Variants in WDR97 observed in about 807,000 individuals in gnomAD.
WDR97 encodes WD repeat domain 97.
A neutral mutation model predicts 65.4 loss-of-function variants in WDR97; 111 were observed. That is an observed-to-expected ratio of 1.70 (90% CI 1.45 to 1.99). The LOEUF (loss-of-function observed/expected upper bound fraction) is 1.99. Among genes scored for constraint, WDR97 ranks in the 30% most tolerant of loss-of-function variants. WDR97 has a pLI of 0.00. For synonymous variants in WDR97, 802 were observed against 397.7 expected (o/e 2.02, Z -12.10); for missense variants, 1,674 against 865.0 (o/e 1.94, Z -11.73).
At chr8:144,114,514 C>CA in intron 19 of WDR97, 39 bp downstream of exon 19, 2 of 702,432 alleles carry the variant, frequency 2.8e-6, no homozygotes, top group Non-Finnish European at 5.2e-6. Context: ...CCTCCCCGCC[C>CA]ACCGGCCCTC....
At chr8:144,113,283 G>A (rs1836583928) in intron 15 of WDR97, 157 bp from the exon 16 acceptor site, 3 of 640,038 alleles carry the variant, frequency 4.7e-6, no homozygotes, top group Non-Finnish European at 5.6e-6. Context: ...CATCTGTGTT[G>A]AGAGTAGGGG....
At position 144,110,668 on chromosome 8, in the gene WDR97, G is replaced by A. The variant is rs1196911530; in HGVS notation, c.2100G>A (p.Thr700=). The change falls in exon 8 of 24, where the codon ACG becomes ACA. Residue 700 remains threonine (T), a synonymous_variant. Coordinates refer to ENST00000323662, the MANE Select transcript of WDR97 (RefSeq NM_001316309.2). ...DHITGLCCCP[T]LKLYACSSLD... ...CGCCAGGCCTGTGCTGCTGCCCCAC[G>A]CTCAAACTGTATGCCTGCTCCAGCC... 1 of 702,854 alleles carries A rather than the reference G, an allele frequency of 1.4e-6. No individual in the cohort carries two copies. Among genetic ancestry groups the A allele is most frequent in the South Asian group, 1.5e-5 (1 of 67,608 alleles). 43.5% of individuals were successfully genotyped at this position (702,854 alleles called of 1,614,324 possible).
intron 9 of WDR97, 47 bp downstream of exon 9, chr8:144,111,043 C>G: frequency 1.4e-6 from 1 of 702,474 alleles, no homozygotes; most frequent in South Asian, 1.5e-5. Flanking sequence ...CCTTGCTCAC[C>G]TTGGGGGGCA....
In WDR97 at chr8:144,109,598, C is replaced by A. The variant is rs1220710356; in HGVS notation, c.1264C>A (p.Pro422Thr). 6.7e-5 allele frequency: 46 copies of A among 689,710 alleles called. No individual in the cohort carries two copies. The highest frequency in any genetic ancestry group is 1.0e-4 in the Non-Finnish European group (38 of 379,560). 42.7% of individuals were successfully genotyped at this position (689,710 alleles called of 1,614,324 possible). ...RELYSPLAQLPAKVLHVQVAP... is the reference protein window; with the variant it reads ...RELYSPLAQLTAKVLHVQVAP... The stretch of plus-strand genomic sequence containing the variant: ...GCTCTACTCGCCGTTGGCGCAACTG[C>A]CCGCCAAGGTGCTCCACGTGCAGGT... Residue 422 changes from proline (P) to threonine (T), a missense_variant, in exon 5 of 24, where the codon CCC (proline) becomes ACC (threonine). Transcript: ENST00000323662.
chr8:144,114,657 A>G lies in WDR97; in HGVS notation c.3896A>G (p.Tyr1299Cys). 1 of 701,338 alleles carries G rather than the reference A, an allele frequency of 1.4e-6. No homozygotes were observed. Among genetic ancestry groups the G allele is most frequent in the Non-Finnish European group, 2.6e-6 (1 of 384,582 alleles). The allele number at this position is 701,338 out of a possible 1,614,324, so 43.4% of individuals were successfully genotyped here. ...CTGGAGCTCATGTCCTACTTCCTCT[A>G]CTCTCCCGTGCACTGCCGGTGAGTT... ...VVLELMSYFLYSPVHCRPELK... is the reference protein window; with the variant it reads ...VVLELMSYFLCSPVHCRPELK... Residue 1299 changes from tyrosine to cysteine, a missense_variant, in exon 20 of 24, where the codon TAC becomes TGC. Physicochemically the swap from Tyr to Cys is radical, Grantham distance 194 (BLOSUM62 -2). Transcript: ENST00000323662.
At position 144,114,778 on chromosome 8, in the gene WDR97, T is replaced by C; in HGVS notation, c.3944T>C (p.Leu1315Pro). Residue 1315 changes from leucine to proline, a missense_variant, in exon 21 of 24, where the codon CTG (leucine) becomes CCG (proline). Leu to Pro is a moderately conservative substitution (Grantham distance 98, BLOSUM62 -3). Transcript: ENST00000323662. ...GAGCTCAAGAAGCTGCTGCACGGGC[T>C]GGGCCTTCAGGACCCAGAGGGCTTC... is the stretch of plus-strand genomic sequence containing the variant. Reference protein sequence around the residue: ...RPELKKLLHGLGLQDPEGFLF... With the variant: ...RPELKKLLHGPGLQDPEGFLF... 1.4e-6 allele frequency: 1 copy of C among 702,254 alleles called. No homozygotes were observed. The highest frequency in any genetic ancestry group is 2.6e-6 in the Non-Finnish European group (1 of 384,718). The allele number at this position is 702,254 out of a possible 1,614,324, so 43.5% of individuals were successfully genotyped here. A position where few individuals can be genotyped will look rare whatever the true frequency, so the allele number is the denominator to read the frequency against.
Position 144,114,157 on chromosome 8 carries a change from C to T in WDR97, c.3589C>T (p.Leu1197=). 1.4e-6 allele frequency: 1 copy of T among 702,606 alleles called. No individual in the cohort carries two copies. Among genetic ancestry groups the T allele is most frequent in the South Asian group, 1.5e-5 (1 of 67,562 alleles). The allele number at this position is 702,606 out of a possible 1,614,324, so 43.5% of individuals were successfully genotyped here. ...CAAAAAGTTGTTCCCCATCTTCAGC[C>T]TGCAGGTTGGAGGGAACTGGGGATG... ...WFKKLFPIFS[L]QAYPEAGTIE... The change falls in exon 18 of 24, where the codon CTG becomes TTG. Residue 1197 remains leucine, a synonymous_variant. Transcript: ENST00000323662.
chr8:144,110,460 G>C lies in WDR97; in HGVS notation c.1963G>C (p.Val655Leu), dbSNP rs746037909. ...GGCGCTCTGTGCGCTAGGCAGACGC[G>C]TCACCGCGGGCTTTGAGGACCCAGA... is the stretch of plus-strand genomic sequence containing the variant. ...AVALCALGRR[V>L]TAGFEDPDSA... The change falls in exon 7 of 24, where the codon GTC (valine) becomes CTC (leucine). Residue 655 changes from valine (V) to leucine (L), a missense_variant. Transcript: ENST00000323662. 5 of 703,010 alleles carry C rather than the reference G, an allele frequency of 7.1e-6. No homozygotes were observed. The highest frequency in any genetic ancestry group is 1.3e-5 in the Non-Finnish European group (5 of 384,978). 43.5% of individuals were successfully genotyped at this position (703,010 alleles called of 1,614,324 possible). A position where few individuals can be genotyped will look rare whatever the true frequency, so the allele number is the denominator to read the frequency against.
intron 22 of WDR97, 29 bp downstream of exon 22, chr8:144,115,887 G>C (rs754611435): frequency 4.3e-6 from 3 of 698,600 alleles, no homozygotes; most frequent in Non-Finnish European, 5.2e-6. Flanking sequence ...GGCGGGGCCT[G>C]CGTGGGGCAG....
chr8:144,114,174 C>T lies in WDR97; in HGVS notation c.3594+12C>T, dbSNP rs998345643. On this transcript the variant is annotated intron_variant, in intron 18 of 23. Coordinates refer to ENST00000323662, the MANE Select transcript of WDR97 (RefSeq NM_001316309.2). The stretch of plus-strand genomic sequence containing the variant: ...TCTTCAGCCTGCAGGTTGGAGGGAA[C>T]TGGGGATGCATGAGAAGCATGGGTT... The T allele has an allele frequency of 2.9e-6, 2 of 701,544 alleles. No homozygotes were observed. Among genetic ancestry groups the T allele is most frequent in the Non-Finnish European group, 5.2e-6 (2 of 384,116 alleles). 43.5% of individuals were successfully genotyped at this position (701,544 alleles called of 1,614,324 possible).
chr8:144,109,365 A>G lies in WDR97; in HGVS notation c.1031A>G (p.Asn344Ser), dbSNP rs1246506348. Reference protein sequence around the residue: ...GPVTAMTVLPNTTLVLSASQD... With the variant: ...GPVTAMTVLPSTTLVLSASQD... ...GTGACGGCTATGACTGTGCTCCCGA[A>G]CACGACCCTGGTGTTGTCGGCCTCG... is the stretch of plus-strand genomic sequence containing the variant. The change falls in exon 5 of 24, where the codon AAC (asparagine) becomes AGC (serine). Residue 344 changes from asparagine to serine, a missense_variant. By Grantham distance (46) the Asn-to-Ser change is conservative (BLOSUM62 1). Coordinates refer to ENST00000323662, the MANE Select transcript of WDR97 (RefSeq NM_001316309.2). 4.3e-6 allele frequency: 3 copies of G among 702,446 alleles called. No homozygotes were observed. In the Admixed American group the frequency reaches 6.0e-5, roughly 14 times the overall value. 43.5% of individuals were successfully genotyped at this position (702,446 alleles called of 1,614,324 possible). A position where few individuals can be genotyped will look rare whatever the true frequency, so the allele number is the denominator to read the frequency against.
At position 144,107,852 on chromosome 8, in the gene WDR97, C is replaced by G; in HGVS notation, c.102C>G (p.Thr34=). The change falls in exon 1 of 24, where the codon ACC becomes ACG. Residue 34 remains threonine (T), a synonymous_variant. Transcript: ENST00000323662. ...GYDVPDPGLL[T]EKNELTFTEP... ...ATGTCCCAGACCCTGGGCTGCTCACCGAAAAGAATGGTGAGGGGGCCTGGC... is the reference window on the plus strand; with the variant it reads ...ATGTCCCAGACCCTGGGCTGCTCACGGAAAAGAATGGTGAGGGGGCCTGGC... 2.8e-6 allele frequency: 2 copies of G among 702,834 alleles called. No individual in the cohort carries two copies. Among genetic ancestry groups the G allele is most frequent in the Admixed American group, 4.0e-5 (2 of 50,022 alleles). The allele number at this position is 702,834 out of a possible 1,614,324, so 43.5% of individuals were successfully genotyped here.
At position 144,116,275 on chromosome 8, in the gene WDR97, C is replaced by T. The variant is rs910460898; in HGVS notation, c.4851C>T (p.Asp1617=). The T allele has an allele frequency of 1.1e-5, 7 of 650,464 alleles. No individual in the cohort carries two copies. The highest frequency in any genetic ancestry group is 1.7e-5 in the Non-Finnish European group (6 of 358,264). The allele number at this position is 650,464 out of a possible 1,614,324, so 40.3% of individuals were successfully genotyped here. ...LQRYFLPADA[D]PDTYS is the part of the protein sequence containing the mutation. ...GCTACTTTCTGCCAGCGGACGCGGA[C>T]CCTGACACCTACAGCTGACCGGACT... is the stretch of plus-strand genomic sequence containing the variant. Residue 1617 remains aspartate (D), a synonymous_variant, in exon 24 of 24, where the codon GAC becomes GAT. Coordinates refer to ENST00000323662, the MANE Select transcript of WDR97 (RefSeq NM_001316309.2).
intron 17 of WDR97, 27 bp downstream of exon 17, chr8:144,113,908 C>T (rs1269852429): frequency 2.9e-6 from 2 of 686,236 alleles, no homozygotes; most frequent in Admixed American, 4.1e-5. Flanking sequence ...AGGCCCCAGG[C>T]CACCACGGGA....
chr8:144,116,029 G>A lies in WDR97; in HGVS notation c.4666+16G>A. The A allele has an allele frequency of 1.4e-6, 1 of 699,700 alleles. No homozygotes were observed. The highest frequency in any genetic ancestry group is 2.6e-6 in the Non-Finnish European group (1 of 384,300). The allele number at this position is 699,700 out of a possible 1,614,324, so 43.3% of individuals were successfully genotyped here. A position where few individuals can be genotyped will look rare whatever the true frequency, so the allele number is the denominator to read the frequency against. Reference sequence around the variant, plus strand: ...AGACTGAGGGGTGAGTGGAGCCAGGGGTGGAGACTGGACCCCACCCACCCC... The same window carrying A: ...AGACTGAGGGGTGAGTGGAGCCAGGAGTGGAGACTGGACCCCACCCACCCC... On this transcript the variant is annotated intron_variant, in intron 23 of 23. Coordinates refer to ENST00000323662, the MANE Select transcript of WDR97 (RefSeq NM_001316309.2).
intron 15 of WDR97, chr8:144,112,753 C>T: frequency 3.5e-6 from 2 of 579,148 alleles, no homozygotes; most frequent in Non-Finnish European, 6.2e-6. Context: ...TGGCCACAGG[C>T]TCCTTGCTGC....
At chr8:144,114,507 C>T (rs1233393701) in intron 19 of WDR97, 32 bp downstream of exon 19, 3 of 702,096 alleles carry the variant, frequency 4.3e-6, no homozygotes, top group East Asian at 2.7e-5. Context: ...CAGTTTTCCT[C>T]CCCGCCCACC....
At position 144,108,590 on chromosome 8, in the gene WDR97, C is replaced by G; in HGVS notation, c.524C>G (p.Ala175Gly). The G allele has an allele frequency of 2.9e-6, 2 of 700,808 alleles. No homozygotes were observed. The highest frequency in any genetic ancestry group is 5.2e-6 in the Non-Finnish European group (2 of 384,504). The allele number at this position is 700,808 out of a possible 1,614,324, so 43.4% of individuals were successfully genotyped here. Reference protein sequence around the residue: ...RFVGWGPAGLAILRPNLSLLW... With the variant: ...RFVGWGPAGLGILRPNLSLLW... Reference sequence around the variant, plus strand: ...GTAGGCTGGGGCCCCGCGGGGCTGGCAATTCTGAGGCCCAACCTCAGCCTG... The same window carrying G: ...GTAGGCTGGGGCCCCGCGGGGCTGGGAATTCTGAGGCCCAACCTCAGCCTG... The change falls in exon 3 of 24, where the codon GCA (alanine) becomes GGA (glycine). Residue 175 changes from alanine (A) to glycine (G), a missense_variant. Transcript: ENST00000323662.
In WDR97 at chr8:144,108,895, G is replaced by T. The variant is rs541100362; in HGVS notation, c.829G>T (p.Asp277Tyr). Reference sequence around the variant, plus strand: ...CTATGGCTCGGCCGTGCTCACCTTCGATCTGCATGCCTGGACTCTCGTAGA... The same window carrying T: ...CTATGGCTCGGCCGTGCTCACCTTCTATCTGCATGCCTGGACTCTCGTAGA... Reference protein sequence around the residue: ...AAYGSAVLTFDLHAWTLVDVR... With the variant: ...AAYGSAVLTFYLHAWTLVDVR... Residue 277 changes from aspartate to tyrosine, a missense_variant, in exon 3 of 24, where the codon GAT (aspartate) becomes TAT (tyrosine). Asp to Tyr is a radical substitution (Grantham distance 160). Coordinates refer to ENST00000323662, the MANE Select transcript of WDR97 (RefSeq NM_001316309.2). 1,297 of 702,904 alleles carry T rather than the reference G, an allele frequency of 1.8e-3. 4 individuals carry two copies. Among genetic ancestry groups the T allele is most frequent in the Non-Finnish European group, 2.8e-3 (1,082 of 384,984 alleles). The allele number at this position is 702,904 out of a possible 1,614,324, so 43.5% of individuals were successfully genotyped here.
Sources: allele counts gnomAD v4.1 joint callset, GRCh38; gene constraint gnomAD v4.1.1; transcripts MANE v1.5; gene names NCBI Gene and HGNC (gene_info 2026-07-23, HGNC 2026-07-21).